Variants in APBB2 observed in about 807,000 individuals in gnomAD.
APBB2 encodes the protein amyloid beta precursor protein binding family B member 2.
Under a neutral mutation model 82.5 loss-of-function variants are expected in APBB2, and 38 were observed. The ratio of observed to expected loss-of-function variants is 0.46; its 90% CI spans 0.36 to 0.60. The LOEUF (loss-of-function observed/expected upper bound fraction) is 0.60, where lower values mean the gene tolerates loss of function less well. Ranked by LOEUF, APBB2 falls within the 20% of genes least tolerant of loss-of-function variation. The pLI, the probability that APBB2 is intolerant of heterozygous loss-of-function variation, is 0.00. For missense variants in APBB2, 772 were observed against 972.3 expected (o/e 0.79, Z 2.74); for synonymous variants, 341 against 368.2 (o/e 0.93, Z 0.85).
intron 12 of APBB2, among the ~76,000 whole-genome samples, chr4:40,837,705 A>G (rs1236590048): frequency 6.6e-6 from 1 of 152,176 alleles, no homozygotes; most frequent in Non-Finnish European, 1.5e-5. Flanking sequence ...CTGCCCATAC[A>G]TGGAGTCTCA....
At chr4:41,049,392 C>G (rs1560614327) in intron 4 of APBB2, among the ~76,000 whole-genome samples, 1 of 131,086 alleles carries the variant, frequency 7.6e-6, no homozygotes, top group Non-Finnish European at 1.6e-5. Flanking sequence ...CCCCGCCCAG[C>G]CAGCCCTCCC....
At position 41,049,534 on chromosome 4, in the gene APBB2, C is replaced by T. The variant is rs1377358585; in HGVS notation, c.-51+16042G>A. On this transcript the variant is annotated intron_variant, in intron 4 of 17. Coordinates refer to ENST00000508593, the MANE Select transcript of APBB2 (RefSeq NM_004307.2). ...GGGGGCCAGCCCCCGCCCGGCCAGC[C>T]GCCCCGTCCGGGAGGGAGGTGGGGG... Among the ~76,000 whole-genome samples the T allele has an allele frequency of 1.4e-3, 200 of 147,924 alleles. 3 individuals carry two copies. The highest frequency in any genetic ancestry group is 4.5e-3 in the African/African-American group (172 of 38,344).
chr4:40,987,131 A>G (rs377095302), intron 6 of APBB2, among the ~76,000 whole-genome samples: 61 of 152,344 alleles, frequency 4.0e-4, no homozygotes, highest in African/African-American at 1.4e-3. Context: ...GAGAAGTAGT[A>G]GGTAAAAATT....
At chr4:41,024,652 G>A (rs1713214997) in intron 5 of APBB2, among the ~76,000 whole-genome samples, 1 of 152,180 alleles carries the variant, frequency 6.6e-6, no homozygotes, top group East Asian at 1.9e-4. Flanking sequence ...TCAACATAGG[G>A]AGAAGAAAAC....
intron 12 of APBB2, among the ~76,000 whole-genome samples, chr4:40,834,733 A>G (rs1753253569): frequency 6.6e-6 from 1 of 152,198 alleles, no homozygotes; most frequent in African/African-American, 2.4e-5. Context: ...GCAGGGGCCA[A>G]GGAATGCAGG....
intron 13 of APBB2, among the ~76,000 whole-genome samples, chr4:40,830,166 C>T (rs1208202791): frequency 4.0e-5 from 6 of 148,432 alleles, no homozygotes; most frequent in Non-Finnish European, 7.5e-5. Context: ...GCGATGCCTG[C>T]CCTGCAGCAA....
At chr4:41,145,574 C>T (rs891360282) in intron 1 of APBB2, among the ~76,000 whole-genome samples, 10 of 152,194 alleles carry the variant, frequency 6.6e-5, no homozygotes, top group Non-Finnish European at 1.3e-4. Flanking sequence ...AAAAAAGACA[C>T]AGCTCTGCCT....
chr4:40,980,293 G>A (rs1444123254), intron 6 of APBB2, among the ~76,000 whole-genome samples: 1 of 152,142 alleles, frequency 6.6e-6, no homozygotes, highest in Non-Finnish European at 1.5e-5. Context: ...CGAAGTGCTG[G>A]GATTACAGTC....
chr4:41,176,824 A>C (rs59540840), intron 1 of APBB2, among the ~76,000 whole-genome samples: 2,173 of 152,270 alleles, frequency 0.014, 61 homozygotes, highest in African/African-American at 0.049. Flanking sequence ...ATAAGAAAAA[A>C]ATTTGAGATC....
At chr4:41,185,823 T>C (rs527412630) in intron 1 of APBB2, among the ~76,000 whole-genome samples, 1 of 152,316 alleles carries the variant, frequency 6.6e-6, no homozygotes, top group East Asian at 1.9e-4. Flanking sequence ...TATAAAGTAA[T>C]AGAGCTGAGG....
intron 12 of APBB2, among the ~76,000 whole-genome samples, chr4:40,852,992 G>A (rs1053628109): frequency 6.6e-6 from 1 of 152,082 alleles, no homozygotes; most frequent in African/African-American, 2.4e-5. Flanking sequence ...TTGTTCCATG[G>A]CTTAATAACT....
At chr4:41,185,744 C>T (rs1025108971) in intron 1 of APBB2, among the ~76,000 whole-genome samples, 36 of 152,106 alleles carry the variant, frequency 2.4e-4, no homozygotes, top group African/African-American at 8.7e-4. Flanking sequence ...GTCATTTAGA[C>T]CAAATAAAGC....
chr4:41,150,419 C>A (rs1321380362), intron 1 of APBB2, among the ~76,000 whole-genome samples: 1 of 152,196 alleles, frequency 6.6e-6, no homozygotes, highest in Admixed American at 6.5e-5. Flanking sequence ...TAGAAAGAAG[C>A]TGGAAACAGT....
At chr4:41,156,426 GA>G (rs1217828622) in intron 1 of APBB2, among the ~76,000 whole-genome samples, 1 of 152,200 alleles carries the variant, frequency 6.6e-6, no homozygotes, top group East Asian at 1.9e-4. Context: ...GTCGAGGGAA[GA>G]ATCTCCATGT....
At chr4:40,970,602 C>T (rs1050530870) in intron 6 of APBB2, among the ~76,000 whole-genome samples, 7 of 152,242 alleles carry the variant, frequency 4.6e-5, no homozygotes, top group African/African-American at 9.6e-5. Context: ...TCTGACACCA[C>T]GGGCTAGACT....
chr4:40,872,787 A>T (rs1765857152), intron 12 of APBB2, among the ~76,000 whole-genome samples: 1 of 141,082 alleles, frequency 7.1e-6, no homozygotes, highest in South Asian at 2.2e-4. Context: ...GATAAAGGTT[A>T]AAAAAAAAAA....
At chr4:40,856,694 G>A (rs1308756378) in intron 12 of APBB2, among the ~76,000 whole-genome samples, 1 of 152,136 alleles carries the variant, frequency 6.6e-6, no homozygotes, top group African/African-American at 2.4e-5. Context: ...CGGCAGAAAT[G>A]CCCCGTGCAG....
At chr4:40,943,202 C>T (rs1324674728) in intron 7 of APBB2, among the ~76,000 whole-genome samples, 1 of 152,188 alleles carries the variant, frequency 6.6e-6, no homozygotes, top group Admixed American at 6.5e-5. Context: ...GAGCTGCCAC[C>T]GGTCACTGGC....
At chr4:40,829,753 G>A (rs988231850) in intron 13 of APBB2, among the ~76,000 whole-genome samples, 1 of 152,146 alleles carries the variant, frequency 6.6e-6, no homozygotes, top group African/African-American at 2.4e-5. Context: ...CTAGGCTGGT[G>A]ACGCCAGACT....
Sources: gnomAD v4.1 joint callset for allele counts (sites outside exome capture counted in the v4.1 genomes callset) on GRCh38, gnomAD v4.1.1 for gene constraint, MANE v1.5 for transcripts, NCBI Gene and HGNC (gene_info 2026-07-23, HGNC 2026-07-21) for gene names.